The following PKNOX2 variants were observed in gnomAD, a reference collection of about 807,000 sequenced individuals.
PKNOX2 encodes homeobox protein PKNOX2.
A neutral mutation model predicts 53.1 loss-of-function variants in PKNOX2; 14 were observed. That is an observed-to-expected ratio of 0.26 (90% CI 0.17 to 0.41). The LOEUF (loss-of-function observed/expected upper bound fraction) is 0.41. Ranked by LOEUF, PKNOX2 falls within the 10% of genes least tolerant of loss-of-function variation. The pLI is 1.00. For missense variants in PKNOX2, 496 were observed against 602.8 expected, an observed-to-expected ratio of 0.82 and a Z score of 1.85; for synonymous variants, 257 against 242.8, an observed-to-expected ratio of 1.06 and a Z score of -0.54.
At chr11:125,204,689 G>T (rs1363692761) in intron 1 of PKNOX2, among the ~76,000 whole-genome samples, 1 of 152,096 alleles carries the variant, frequency 6.6e-6, no homozygotes, top group African/African-American at 2.4e-5. Context: ...CCACATTCCC[G>T]GTCAGAGACA....
chr11:125,266,263 C>T (rs1565483523), intron 2 of PKNOX2, among the ~76,000 whole-genome samples: 1 of 152,192 alleles, frequency 6.6e-6, no homozygotes, highest in Admixed American at 6.5e-5. Context: ...GAGGCTCAGA[C>T]AAGTTAAGTC....
At position 125,352,801 on chromosome 11, in the gene PKNOX2, C is replaced by A. The variant is rs1341328221; in HGVS notation, c.87+1409C>A. On this transcript the variant is annotated intron_variant, in intron 4 of 12. Coordinates refer to ENST00000298282, the MANE Select transcript of PKNOX2 (RefSeq NM_001382323.2). The surrounding 1 kb of genome is among the most constrained non-coding windows in gnomAD (Gnocchi z 4.1). ...CCAGCCTAACCCCATCCTCAGCGAG[C>A]CCTCTGCTCATGCCAGTAGCTTCCA... Among the ~76,000 whole-genome samples the A allele has an allele frequency of 1.3e-5, 2 of 152,204 alleles. No individual in the cohort carries two copies. Among genetic ancestry groups the A allele is most frequent in the East Asian group, 3.8e-4 (2 of 5,200 alleles).
chr11:125,300,583 CAGAGAGACAG>C (rs1947984877), intron 2 of PKNOX2, among the ~76,000 whole-genome samples: 1 of 151,668 alleles, frequency 6.6e-6, no homozygotes, highest in East Asian at 1.9e-4. Flanking sequence ...AAAAGAGAGA[CAGAGAGACAG>C]AGAGAGACAG....
intron 1 of PKNOX2, among the ~76,000 whole-genome samples, chr11:125,227,459 G>A (rs1941803402): frequency 6.6e-6 from 1 of 152,216 alleles, no homozygotes; most frequent in African/African-American, 2.4e-5. Context: ...ACCTTGTACA[G>A]GTGGAACCAT....
chr11:125,335,135 TAGGGA>T (rs1338423787), intron 3 of PKNOX2, among the ~76,000 whole-genome samples: 1 of 152,166 alleles, frequency 6.6e-6, no homozygotes, highest in Non-Finnish European at 1.5e-5. Context: ...CCATGGACAC[TAGGGA>T]AGGGCGATGT....
At chr11:125,296,283 T>C (rs1169017551) in intron 2 of PKNOX2, among the ~76,000 whole-genome samples, 1 of 152,188 alleles carries the variant, frequency 6.6e-6, no homozygotes, top group Non-Finnish European at 1.5e-5. Context: ...TTCCCTGTCA[T>C]TGAGAATGAA....
chr11:125,361,646 T>C (rs1169423479), intron 4 of PKNOX2, among the ~76,000 whole-genome samples: 1 of 152,248 alleles, frequency 6.6e-6, no homozygotes, highest in Non-Finnish European at 1.5e-5. Flanking sequence ...TGTGCCATGT[T>C]GGTGTGCTGC....
chr11:125,330,080 C>T (rs1467936544), intron 2 of PKNOX2, among the ~76,000 whole-genome samples: 1 of 151,746 alleles, frequency 6.6e-6, no homozygotes, highest in African/African-American at 2.4e-5. Context: ...CAGGGGTGCG[C>T]TGTGGGGCCG....
chr11:125,183,664 C>G (rs988447336), intron 1 of PKNOX2, among the ~76,000 whole-genome samples: 5 of 151,610 alleles, frequency 3.3e-5, no homozygotes, highest in Non-Finnish European at 5.9e-5. Context: ...TTTGCATTGA[C>G]TCTTTTAAAT....
intron 2 of PKNOX2, among the ~76,000 whole-genome samples, chr11:125,262,885 CTTTCTA>C (rs1390952076): frequency 2.6e-5 from 4 of 152,298 alleles, no homozygotes; most frequent in South Asian, 2.1e-4. Context: ...CTGTGTCCCT[CTTTCTA>C]TTTCTATGAT....
intron 1 of PKNOX2, among the ~76,000 whole-genome samples, chr11:125,203,706 G>A (rs1938724798): frequency 6.6e-6 from 1 of 152,222 alleles, no homozygotes; most frequent in African/African-American, 2.4e-5. Flanking sequence ...GCCCTGGATA[G>A]GGTGGTATTC....
intron 1 of PKNOX2, among the ~76,000 whole-genome samples, chr11:125,230,958 C>A (rs1053821118): frequency 9.2e-5 from 14 of 152,164 alleles, no homozygotes; most frequent in Admixed American, 9.2e-4. Flanking sequence ...CAATGATACA[C>A]CATGCTAGCA....
chr11:125,365,368 T>G (rs377022724), intron 4 of PKNOX2, among the ~76,000 whole-genome samples: 1 of 152,240 alleles, frequency 6.6e-6, no homozygotes, highest in African/African-American at 2.4e-5. Flanking sequence ...GTTGGATTTT[T>G]TTTTTTGACA....
chr11:125,288,147 A>G (rs559854601), intron 2 of PKNOX2: 2 of 152,240 alleles, frequency 1.3e-5, no homozygotes, highest in East Asian at 3.9e-4. Context: ...TCCAGGCCAC[A>G]TGCCCAGGAA....
intron 2 of PKNOX2, among the ~76,000 whole-genome samples, chr11:125,317,167 A>T (rs1322659241): frequency 1.3e-5 from 2 of 152,166 alleles, no homozygotes; most frequent in South Asian, 2.1e-4. Flanking sequence ...TTCAGGCTCC[A>T]CTTCTCATTC....
intron 10 of PKNOX2, among the ~76,000 whole-genome samples, chr11:125,424,459 G>A (rs1013242262): frequency 6.6e-6 from 1 of 152,074 alleles, no homozygotes; most frequent in African/African-American, 2.4e-5. Flanking sequence ...CATCCTGGCT[G>A]CCTTCCTCTG....
intron 2 of PKNOX2, among the ~76,000 whole-genome samples, chr11:125,315,926 TGC>T (rs369869554): frequency 1.2e-4 from 18 of 152,192 alleles, no homozygotes; most frequent in African/African-American, 4.1e-4. Flanking sequence ...ATTTATCTTG[TGC>T]CTGACCTTGT....
At chr11:125,205,447 T>C (rs951815501) in intron 1 of PKNOX2, among the ~76,000 whole-genome samples, 1 of 152,198 alleles carries the variant, frequency 6.6e-6, no homozygotes, top group African/African-American at 2.4e-5. Context: ...AGGGCAAAGA[T>C]ACTTTTGGCA....
chr11:125,374,918 T>C (rs1287312326), intron 5 of PKNOX2, among the ~76,000 whole-genome samples: 1 of 126,822 alleles, frequency 7.9e-6, no homozygotes, highest in Non-Finnish European at 1.6e-5. Context: ...TTGGGCCTCC[T>C]GCTAGTGCAA....
Sources: allele counts gnomAD v4.1 joint callset (sites outside exome capture counted in the v4.1 genomes callset), GRCh38; gene constraint gnomAD v4.1.1; non-coding constraint Gnocchi (gnomAD v3.1); transcripts MANE v1.5; gene names NCBI Gene and HGNC (gene_info 2026-07-23, HGNC 2026-07-21).